The following SNX13 variants were observed in gnomAD, a reference collection of about 807,000 sequenced individuals.
The protein encoded by SNX13 is sorting nexin-13.
SNX13 carries 45 observed loss-of-function variants against 133.6 expected under a neutral mutation model. That is an observed-to-expected ratio of 0.34 (90% CI 0.27 to 0.43). The LOEUF (loss-of-function observed/expected upper bound fraction) is 0.43. SNX13 is among the 20% of genes least tolerant of loss of function. The pLI is 1.00. For missense variants in SNX13, 1,032 were observed against 1,145.1 expected, an observed-to-expected ratio of 0.90 and a Z score of 1.43; for synonymous variants, 414 against 373.9, an observed-to-expected ratio of 1.11 and a Z score of -1.24.
intron 1 of SNX13, among the ~76,000 whole-genome samples, chr7:17,910,844 T>A (rs1798893847): frequency 6.6e-6 from 1 of 152,194 alleles, no homozygotes; most frequent in Non-Finnish European, 1.5e-5. Context: ...CCAGAATACA[T>A]AAATCCATAG....
At chr7:17,797,784 C>T (rs547986766) in intron 24 of SNX13, among the ~76,000 whole-genome samples, 13 of 151,766 alleles carry the variant, frequency 8.6e-5, no homozygotes, top group Non-Finnish European at 1.8e-4. Flanking sequence ...ATAAAATGAA[C>T]ATGCCAGGGC....
At chr7:17,879,311 C>T (rs1056264297) in intron 5 of SNX13, 2 of 152,316 alleles carry the variant, frequency 1.3e-5, no homozygotes, top group African/African-American at 4.8e-5. Context: ...CTCAAGTGAT[C>T]CTCCTACCTC....
At position 17,890,454 on chromosome 7, in the gene SNX13, G is replaced by A; in HGVS notation, c.349C>T (p.Gln117Ter). 2 of 1,591,094 alleles carry A rather than the reference G, an allele frequency of 1.3e-6. No homozygotes were observed. Among genetic ancestry groups the A allele is most frequent in the Non-Finnish European group, 1.7e-6 (2 of 1,167,714 alleles). The change falls in exon 5 of 26, where the codon CAG (glutamine) becomes TAG (stop). Residue 117 changes from glutamine to a stop codon, truncating the protein, a stop_gained. Coordinates refer to ENST00000428135, the MANE Select transcript of SNX13 (RefSeq NM_015132.5). LOFTEE classifies it high-confidence loss of function. ...TCGCTTAGTGTATAATACCAATACT[G>A]GACATAATCCCTCAAGGAAAACTGG... ...VIQFSLRDYV[Q>*]YWYYTLSDDE...
At chr7:17,835,305 C>T (rs996300276) in intron 13 of SNX13, among the ~76,000 whole-genome samples, 1 of 151,882 alleles carries the variant, frequency 6.6e-6, no homozygotes, top group Non-Finnish European at 1.5e-5. Context: ...AATATGACTG[C>T]TGAACGAATA....
chr7:17,867,449 G>C (rs1562806136), intron 9 of SNX13, among the ~76,000 whole-genome samples: 2 of 151,690 alleles, frequency 1.3e-5, no homozygotes, highest in Non-Finnish European at 2.9e-5. Context: ...TCTACCAAAA[G>C]TACAAAAAAT....
intron 1 of SNX13, 96 bp downstream of exon 1, chr7:17,940,188 T>C: frequency 6.6e-7 from 1 of 1,510,626 alleles, no homozygotes; most frequent in Non-Finnish European, 9.0e-7. Context: ...CGGCGAAGGG[T>C]CAGGCCCACC....
intron 5 of SNX13, 94 bp downstream of exon 5, chr7:17,890,269 T>C (rs1468327402): frequency 8.1e-7 from 1 of 1,230,884 alleles, no homozygotes; most frequent in Non-Finnish European, 1.1e-6. Flanking sequence ...ACTTACCTTT[T>C]AATAAACAAT....
In SNX13 at chr7:17,796,871, C is replaced by G. The variant is rs1317940819; in HGVS notation, c.2582G>C (p.Arg861Thr). The G allele has an allele frequency of 6.2e-7, 1 of 1,611,250 alleles. No individual in the cohort carries two copies. Among genetic ancestry groups the G allele is most frequent in the Non-Finnish European group, 8.5e-7 (1 of 1,178,158 alleles). ...TTTCGTTTTTCCTGCTACTCTTGTTCTCATTCGAATACTTTTATCTCTGCA... is the reference window on the plus strand; with the variant it reads ...TTTCGTTTTTCCTGCTACTCTTGTTGTCATTCGAATACTTTTATCTCTGCA... ...VPCRDKSIRM[R>T]TRVAGKTKLL... The change falls in exon 25 of 26, where the codon AGA becomes ACA. Residue 861 changes from arginine (R) to threonine (T), a missense_variant. Transcript: ENST00000428135.
intron 2 of SNX13, among the ~76,000 whole-genome samples, chr7:17,894,892 A>C (rs1797036279): frequency 6.6e-6 from 1 of 152,170 alleles, no homozygotes; most frequent in South Asian, 2.1e-4. Context: ...TCACAAAAGC[A>C]GGGGTTGGGG....
rs1421951320 is a variant in SNX13, at chr7:17,796,758, C to T, written c.2626+69G>A. The T allele has an allele frequency of 1.5e-5, 17 of 1,107,022 alleles. 1 individual carries two copies. The Admixed American group carries it at 2.4e-4, about 16-fold the overall frequency. 68.6% of individuals were successfully genotyped at this position (1,107,022 alleles called of 1,614,324 possible). On this transcript the variant is annotated intron_variant, in intron 25 of 25. Transcript: ENST00000428135. ...TATAATCAAAAGGCAGTTACACTGGCATGATGAATGCTAAAAACTCAGAAG... is the reference window on the plus strand; with the variant it reads ...TATAATCAAAAGGCAGTTACACTGGTATGATGAATGCTAAAAACTCAGAAG...
chr7:17,901,381 CCAGGAATT>C, intron 1 of SNX13, among the ~76,000 whole-genome samples: 1 of 152,104 alleles, frequency 6.6e-6, no homozygotes, highest in East Asian at 1.9e-4. Flanking sequence ...CAGGACTCGC[CCAGGAATT>C]GCACTCCTTG....
At chr7:17,867,637 A>T (rs1248631104) in intron 9 of SNX13, among the ~76,000 whole-genome samples, 1 of 152,074 alleles carries the variant, frequency 6.6e-6, no homozygotes, top group Non-Finnish European at 1.5e-5. Flanking sequence ...AGTAAAAAAA[A>T]AAATAAAACA....
At position 17,798,772 on chromosome 7, in the gene SNX13, A is replaced by G. The variant is rs561631324; in HGVS notation, c.2445-14T>C. On this transcript the variant is annotated splice_polypyrimidine_tract_variant and intron_variant, in intron 23 of 25. Transcript: ENST00000428135. The stretch of plus-strand genomic sequence containing the variant: ...TCAACTATTTTTCTGAAAGTAAATT[A>G]ATGTAAATGAGGAAGGTTAAAATTT... The G allele has an allele frequency of 2.0e-6, 3 of 1,532,004 alleles. No homozygotes were observed. The East Asian group carries it at 7.0e-5, about 36-fold the overall frequency. The allele number at this position is 1,532,004 out of a possible 1,614,324, so 94.9% of individuals were successfully genotyped here.
chr7:17,800,769 C>T (rs763596751), intron 22 of SNX13, among the ~76,000 whole-genome samples: 4 of 151,190 alleles, frequency 2.6e-5, no homozygotes, highest in Non-Finnish European at 4.4e-5. Flanking sequence ...TCTTGACAGA[C>T]GCATAAGACA....
intron 17 of SNX13, 27 bp downstream of exon 17, chr7:17,825,995 C>T (rs1401003171): frequency 2.9e-6 from 4 of 1,394,124 alleles, no homozygotes; most frequent in Non-Finnish European, 3.9e-6. Flanking sequence ...AGTTTTAATG[C>T]AATAATTATA....
At chr7:17,831,336 T>G in intron 15 of SNX13, 1 of 886,660 alleles carries the variant, frequency 1.1e-6, no homozygotes, top group African/African-American at 1.8e-5. Flanking sequence ...AAAGCATAAT[T>G]CATATAGTTT....
At chr7:17,798,568 C>A (rs187585855) in intron 24 of SNX13, 122 bp downstream of exon 24, 2 of 667,632 alleles carry the variant, frequency 3.0e-6, no homozygotes, top group Admixed American at 6.5e-5. Flanking sequence ...TCTTTTTGCT[C>A]ATCAATGATA....
chr7:17,919,218 G>A (rs1799872022), intron 1 of SNX13, among the ~76,000 whole-genome samples: 1 of 152,096 alleles, frequency 6.6e-6, no homozygotes, highest in South Asian at 2.1e-4. Flanking sequence ...TAACAAACCT[G>A]CACATTTATC....
chr7:17,882,387 T>C (rs1021128783), intron 5 of SNX13: 1 of 152,230 alleles, frequency 6.6e-6, no homozygotes, highest in Non-Finnish European at 1.5e-5. Flanking sequence ...AGCAATAGTC[T>C]GGTTGTACAA....
Sources: gnomAD v4.1 joint callset for allele counts (sites outside exome capture counted in the v4.1 genomes callset) on GRCh38, gnomAD v4.1.1 for gene constraint, MANE v1.5 for transcripts, NCBI Gene and HGNC (gene_info 2026-07-23, HGNC 2026-07-21) for gene names.